The following NCKAP5 variants were observed in gnomAD, a reference collection of about 807,000 sequenced individuals.
NCKAP5 encodes NCK associated protein 5, also known as nck-associated protein 5.
In NCKAP5, 92 loss-of-function variants were observed where a neutral mutation model predicts 167.0. That is an observed-to-expected ratio of 0.55 (90% CI 0.47 to 0.66). The LOEUF (loss-of-function observed/expected upper bound fraction) is 0.66. Among genes scored for constraint, NCKAP5 ranks in the 30% least tolerant of loss-of-function variants. The pLI, the probability that NCKAP5 is intolerant of heterozygous loss-of-function variation, is 0.00. For synonymous variants in NCKAP5, 891 were observed against 877.4 expected, an observed-to-expected ratio of 1.02 and a Z score of -0.27; for missense variants, 2,378 against 2,315.0, an observed-to-expected ratio of 1.03 and a Z score of -0.56.
chr2:132,846,005 A>T (rs1688636006), intron 11 of NCKAP5, among the ~76,000 whole-genome samples: 1 of 151,946 alleles, frequency 6.6e-6, no homozygotes, highest in Admixed American at 6.6e-5. Flanking sequence ...TATTAGGTTT[A>T]TTGCTATGTA....
intron 5 of NCKAP5, among the ~76,000 whole-genome samples, chr2:133,166,917 C>G (rs896978366): frequency 6.6e-6 from 1 of 152,186 alleles, no homozygotes; most frequent in Non-Finnish European, 1.5e-5. Context: ...GGTTTATGAT[C>G]AGCAGGCTAC....
intron 6 of NCKAP5, among the ~76,000 whole-genome samples, chr2:133,022,274 T>G (rs984773591): frequency 2.0e-5 from 3 of 152,198 alleles, no homozygotes; most frequent in African/African-American, 7.2e-5. Context: ...CCTCTCCTTT[T>G]GTAAAAGAAA....
rs548090679 is a variant in NCKAP5 at position 132,793,027 on chromosome 2, G to A, written c.910-2822C>T. Among the ~76,000 whole-genome samples, 6 of 152,056 alleles carry A rather than the reference G, an allele frequency of 3.9e-5. 1 individual carries two copies. The highest frequency in any genetic ancestry group is 4.1e-4 in the South Asian group (2 of 4,820). On this transcript the variant is annotated intron_variant, in intron 12 of 19. Transcript: ENST00000409261. ...TTTTGTTTTGTTTTGTTTTTCAGACGGAGTTTCACTCTTGTTGCCCAGGCT... is the reference window on the plus strand; with the variant it reads ...TTTTGTTTTGTTTTGTTTTTCAGACAGAGTTTCACTCTTGTTGCCCAGGCT...
intron 6 of NCKAP5, among the ~76,000 whole-genome samples, chr2:133,050,689 T>G (rs2079570775): frequency 6.6e-6 from 1 of 152,218 alleles, no homozygotes; most frequent in African/African-American, 2.4e-5. Context: ...TTTTTCTACA[T>G]TTTTATATCA....
At chr2:133,278,273 A>G (rs1254798798) in intron 4 of NCKAP5, among the ~76,000 whole-genome samples, 2 of 152,216 alleles carry the variant, frequency 1.3e-5, no homozygotes, top group Non-Finnish European at 2.9e-5. Context: ...CACAGGCCTC[A>G]CTGATGTAAA....
At chr2:132,796,514 T>C in intron 12 of NCKAP5, 114 bp downstream of exon 12, 2 of 609,092 alleles carry the variant, frequency 3.3e-6, no homozygotes, top group South Asian at 5.4e-5. Flanking sequence ...AAGGTATTTT[T>C]ATCTGCCTGA....
chr2:132,701,960 A>G (rs540955136), intron 19 of NCKAP5, among the ~76,000 whole-genome samples: 2 of 152,334 alleles, frequency 1.3e-5, no homozygotes, highest in East Asian at 3.9e-4. Context: ...TAATGACAAA[A>G]GACACAAGGA....
In NCKAP5 at chr2:132,783,469, C is replaced by A; in HGVS notation, c.3342G>T (p.Gln1114His). 6.3e-7 allele frequency: 1 copy of A among 1,593,840 alleles called. No homozygotes were observed. Residue 1114 changes from glutamine to histidine, a missense_variant, in exon 14 of 20, where the codon CAG becomes CAT. Transcript: ENST00000409261. ...FLGVNESPSS[Q>H]VSSSSSSSSP... ...ATGAGGATGATGAGGAACTGCTGAC[C>A]TGAGATGATGGTGACTCATTTACCC...
intron 16 of NCKAP5, among the ~76,000 whole-genome samples, chr2:132,770,545 T>G (rs939405288): frequency 6.6e-6 from 1 of 151,536 alleles, no homozygotes; most frequent in African/African-American, 2.4e-5. Flanking sequence ...CAGTAGCTTA[T>G]TCATATGGTT....
chr2:133,303,249 A>G (rs1680530627), intron 3 of NCKAP5, 139 bp from the exon 4 acceptor site: 4 of 623,768 alleles, frequency 6.4e-6, no homozygotes, highest in South Asian at 4.0e-5. Context: ...CTCTGCTTCT[A>G]TGACTTGCAA....
chr2:133,601,038 G>A, the NCKAP5 span, among the ~76,000 whole-genome samples: 30 of 152,264 alleles, frequency 2.0e-4, no homozygotes, highest in Non-Finnish European at 4.0e-4. Context: ...CTGTGACCTG[G>A]CCGGGCCCTC....
At chr2:133,426,038 A>G (rs1463143426) in intron 3 of NCKAP5, among the ~76,000 whole-genome samples, 1 of 152,112 alleles carries the variant, frequency 6.6e-6, no homozygotes, top group Non-Finnish European at 1.5e-5. Context: ...TTGGGAGGCC[A>G]AGGCGGGAGG....
At chr2:132,695,137 G>A (rs778325455) in intron 19 of NCKAP5, among the ~76,000 whole-genome samples, 8 of 152,058 alleles carry the variant, frequency 5.3e-5, no homozygotes, top group South Asian at 2.1e-4. Flanking sequence ...CTCCCAAGGC[G>A]CCACCTCCAA....
chr2:133,588,639 C>A, the NCKAP5 span, among the ~76,000 whole-genome samples: 2 of 152,064 alleles, frequency 1.3e-5, no homozygotes, highest in Non-Finnish European at 2.9e-5. Flanking sequence ...TCAAGGAGCA[C>A]ACATTTTAGA....
At chr2:133,394,719 C>T (rs1687630674) in intron 3 of NCKAP5, among the ~76,000 whole-genome samples, 1 of 152,012 alleles carries the variant, frequency 6.6e-6, no homozygotes, top group African/African-American at 2.4e-5. Flanking sequence ...ACACAGAACA[C>T]CAAATTCGAA....
chr2:133,089,228 T>G (rs1428677856), intron 6 of NCKAP5, among the ~76,000 whole-genome samples: 1 of 152,170 alleles, frequency 6.6e-6, no homozygotes, highest in African/African-American at 2.4e-5. Flanking sequence ...CTCACAACAC[T>G]TTGGGGAACA....
intron 10 of NCKAP5, among the ~76,000 whole-genome samples, chr2:132,863,572 C>T (rs1252738119): frequency 6.6e-6 from 1 of 151,956 alleles, no homozygotes; most frequent in Non-Finnish European, 1.5e-5. Flanking sequence ...GGTAAAAGTT[C>T]ATTAGTGGGA....
intron 6 of NCKAP5, among the ~76,000 whole-genome samples, chr2:133,001,127 A>C (rs111896559): frequency 1.7e-3 from 257 of 152,250 alleles, no homozygotes; most frequent in African/African-American, 5.8e-3. Flanking sequence ...ATTGTATGTA[A>C]ATTTTATCAA....
At chr2:132,904,027 G>A (rs1229264048) in intron 8 of NCKAP5, among the ~76,000 whole-genome samples, 1 of 152,152 alleles carries the variant, frequency 6.6e-6, no homozygotes, top group Non-Finnish European at 1.5e-5. Context: ...GGTGGCTCAC[G>A]CCTGTAATCC....
Sources: gnomAD v4.1 joint callset for allele counts (sites outside exome capture counted in the v4.1 genomes callset) on GRCh38, gnomAD v4.1.1 for gene constraint, MANE v1.5 for transcripts, NCBI Gene and HGNC (gene_info 2026-07-23, HGNC 2026-07-21) for gene names.